The following OR2A14 variants were observed in gnomAD, a reference collection of about 807,000 sequenced individuals.
OR2A14 encodes the protein olfactory receptor 2A14.
OR2A14 carries 2 observed loss-of-function variants against 2.4 expected under a neutral mutation model. That is an observed-to-expected ratio of 0.85 (90% CI 0.35 to 2.67). OR2A14 has a LOEUF of 2.67. Among genes scored for constraint, OR2A14 ranks in the 30% most tolerant of loss-of-function variants. The pLI is 0.10. For missense variants in OR2A14, 390 were observed against 379.4 expected, an observed-to-expected ratio of 1.03 and a Z score of -0.23; for synonymous variants, 160 against 156.3, an observed-to-expected ratio of 1.02 and a Z score of -0.18.
rs1412363926 is a variant in OR2A14 at position 144,129,951 on chromosome 7, T to A, written c.839T>A (p.Phe280Tyr). Residue 280 changes from phenylalanine (F) to tyrosine (Y), a missense_variant, in exon 2 of 2, where the codon TTC becomes TAC. By Grantham distance (22) the Phe-to-Tyr change is conservative (BLOSUM62 3). Coordinates refer to ENST00000641068, the MANE Select transcript of OR2A14 (RefSeq NM_001001659.3). ...GTTCTTTCCCTGTTTTACAGCCTTT[T>A]CAATCCAATGCTGAACCCCCTGATA... ...QKVLSLFYSL[F>Y]NPMLNPLIYS... 2 of 1,614,140 alleles carry A rather than the reference T, an allele frequency of 1.2e-6. No homozygotes were observed. The highest frequency in any genetic ancestry group is 3.3e-5 in the Admixed American group (2 of 60,028).
chr7:144,129,610 C>T lies in OR2A14; in HGVS notation c.498C>T (p.Pro166=), dbSNP rs766638381. The T allele has an allele frequency of 1.2e-6, 2 of 1,603,344 alleles. No individual in the cohort carries two copies. Among genetic ancestry groups the T allele is most frequent in the Middle Eastern group, 1.7e-4 (1 of 6,050 alleles). The change falls in exon 2 of 2, where the codon CCC becomes CCT. Residue 166 remains proline (P), a synonymous_variant. Coordinates refer to ENST00000641068, the MANE Select transcript of OR2A14 (RefSeq NM_001001659.3). ...LVPLVLILSL[P]FCGPHEINHF... is the part of the protein sequence containing the mutation. The stretch of plus-strand genomic sequence containing the variant: ...CTTTAGTTCTCATCCTGAGCCTGCC[C>T]TTCTGCGGGCCTCATGAAATCAACC...
chr7:144,129,120 G>T lies in OR2A14; in HGVS notation c.8G>T (p.Gly3Val). The stretch of plus-strand genomic sequence containing the variant: ...CTAGATGTCCACAAGAGCATGGAAG[G>T]CAACAAGACATGGATCACAGACATC... ME[G>V]NKTWITDITL... Residue 3 changes from glycine (G) to valine (V), a missense_variant, in exon 2 of 2, where the codon GGC (glycine) becomes GTC (valine). Gly to Val is a moderately radical substitution (Grantham distance 109, BLOSUM62 -3). Coordinates refer to ENST00000641068, the MANE Select transcript of OR2A14 (RefSeq NM_001001659.3). 6.2e-7 allele frequency: 1 copy of T among 1,612,080 alleles called. No homozygotes were observed. Among genetic ancestry groups the T allele is most frequent in the Non-Finnish European group, 8.5e-7 (1 of 1,178,620 alleles).
chr7:144,124,501 C>A (rs1483097401), intron 1 of OR2A14, among the ~76,000 whole-genome samples: 1 of 149,586 alleles, frequency 6.7e-6, no homozygotes, highest in African/African-American at 2.5e-5. Context: ...CTCCCTAGGA[C>A]TAAGCTCAGT....
intron 1 of OR2A14, among the ~76,000 whole-genome samples, chr7:144,125,113 T>C (rs1244215728): frequency 6.6e-6 from 1 of 152,216 alleles, no homozygotes; most frequent in Admixed American, 6.5e-5. Context: ...CCTTTTGGTA[T>C]CTGTGGTCAA....
At position 144,129,338 on chromosome 7, in the gene OR2A14, T is replaced by C. The variant is rs149608635; in HGVS notation, c.226T>C (p.Tyr76His). The C allele has an allele frequency of 1.1e-3, 1,719 of 1,614,246 alleles. 44 individuals carry two copies. The Admixed American group carries it at 0.025, about 24-fold the overall frequency. The change falls in exon 2 of 2, where the codon TAT (tyrosine) becomes CAT (histidine). Residue 76 changes from tyrosine (Y) to histidine (H), a missense_variant. Transcript: ENST00000641068. ...TGTTGACATATCCTATGCTTCCAAC[T>C]ATGTCCCCAAGATGCTGACGAATCT... ...AIVDISYASN[Y>H]VPKMLTNLMN... is the part of the protein sequence containing the mutation.
At chr7:144,128,927 CTTA>C (rs1215519291) in intron 1 of OR2A14, 149 bp from the exon 2 acceptor site, 18 of 578,352 alleles carry the variant, frequency 3.1e-5, no homozygotes, top group Admixed American at 2.2e-4. Flanking sequence ...TGTATGTATT[CTTA>C]TTATTCCATT....
rs749178805 is a variant in OR2A14, at chr7:144,129,747, T to C, written c.635T>C (p.Leu212Pro). ...TTCATCCTGGTGGGGCCACTCTGCC[T>C]GGTGCTGGTCTCCTACTTGCGCATC... Reference protein sequence around the residue: ...CVFILVGPLCLVLVSYLRILA... With the variant: ...CVFILVGPLCPVLVSYLRILA... Residue 212 changes from leucine to proline, a missense_variant, in exon 2 of 2, where the codon CTG becomes CCG. By Grantham distance (98) the Leu-to-Pro change is moderately conservative (BLOSUM62 -3). Transcript: ENST00000641068. 5.0e-6 allele frequency: 8 copies of C among 1,613,930 alleles called. No homozygotes were observed. Among genetic ancestry groups the C allele is most frequent in the Non-Finnish European group, 6.8e-6 (8 of 1,180,036 alleles).
intron 1 of OR2A14, among the ~76,000 whole-genome samples, chr7:144,124,706 CCT>C (rs986154750): frequency 6.6e-6 from 1 of 152,058 alleles, no homozygotes; most frequent in Non-Finnish European, 1.5e-5. Flanking sequence ...AAAAATTAAT[CCT>C]CTCTCTATCA....
intron 1 of OR2A14, 81 bp downstream of exon 1, chr7:144,123,345 T>A (rs1218811290): frequency 6.6e-6 from 1 of 152,266 alleles, no homozygotes; most frequent in Non-Finnish European, 1.5e-5. Context: ...AATCACTGGC[T>A]CCAGATAGTA....
At chr7:144,124,006 C>T (rs1477192800) in intron 1 of OR2A14, among the ~76,000 whole-genome samples, 1 of 149,580 alleles carries the variant, frequency 6.7e-6, no homozygotes, top group Non-Finnish European at 1.5e-5. Context: ...TGCATTTAAT[C>T]CTCACAACTA....
intron 1 of OR2A14, among the ~76,000 whole-genome samples, chr7:144,128,738 C>T (rs1246880950): frequency 4.6e-5 from 7 of 152,104 alleles, no homozygotes; most frequent in African/African-American, 1.2e-4. Flanking sequence ...TCTCAAACTA[C>T]GTAAAAATCA....
rs755155314 is a variant in OR2A14, at chr7:144,128,016, T to G, written c.-34-1063T>G. On this transcript the variant is annotated intron_variant, in intron 1 of 1. Transcript: ENST00000641068. Reference sequence around the variant, plus strand: ...ATCCCCATCACATGCTCAGATTCCATCTGAACAGCAACAGGGCTGCTGGCA... The same window carrying G: ...ATCCCCATCACATGCTCAGATTCCAGCTGAACAGCAACAGGGCTGCTGGCA... Among the ~76,000 whole-genome samples the G allele has an allele frequency of 3.3e-5, 5 of 152,160 alleles. No individual in the cohort carries two copies. The East Asian group carries it at 9.7e-4, about 29-fold the overall frequency.
At chr7:144,126,306 G>A (rs1432162476) in intron 1 of OR2A14, among the ~76,000 whole-genome samples, 1 of 152,122 alleles carries the variant, frequency 6.6e-6, no homozygotes, top group Non-Finnish European at 1.5e-5. Flanking sequence ...GTCAATTTCA[G>A]ATTGTTAAAA....
chr7:144,129,742 C>T lies in OR2A14; in HGVS notation c.630C>T (p.Leu210=). The change falls in exon 2 of 2, where the codon CTC becomes CTT. Residue 210 remains leucine, a synonymous_variant. Transcript: ENST00000641068. ...AACVFILVGP[L]CLVLVSYLRI... ...GCGTGTTCATCCTGGTGGGGCCACT[C>T]TGCCTGGTGCTGGTCTCCTACTTGC... The T allele has an allele frequency of 6.2e-7, 1 of 1,614,032 alleles. No homozygotes were observed. The highest frequency in any genetic ancestry group is 8.5e-7 in the Non-Finnish European group (1 of 1,180,042).
rs866398148 is a variant in OR2A14 at position 144,125,078 on chromosome 7, G to A, written c.-35+1814G>A. On this transcript the variant is annotated intron_variant, in intron 1 of 1. Coordinates refer to ENST00000641068, the MANE Select transcript of OR2A14 (RefSeq NM_001001659.3). The stretch of plus-strand genomic sequence containing the variant: ...TTAAATTCCTATAATGTACCAGTGC[G>A]ATGGTATTTCTTCTTCACATCAGTC... 3.9e-5 allele frequency among the ~76,000 whole-genome samples: 6 copies of A among 152,102 alleles called. 1 individual carries two copies. Among genetic ancestry groups the A allele is most frequent in the Admixed American group, 2.6e-4 (4 of 15,266 alleles).
intron 1 of OR2A14, among the ~76,000 whole-genome samples, chr7:144,123,640 T>C (rs2051460991): frequency 6.6e-6 from 1 of 152,178 alleles, no homozygotes; most frequent in Non-Finnish European, 1.5e-5. Context: ...TGACTCTTTT[T>C]TACAAATAAT....
At position 144,129,590 on chromosome 7, in the gene OR2A14, G is replaced by T. The variant is rs1223124062; in HGVS notation, c.478G>T (p.Val160Phe). 3 of 1,613,672 alleles carry T rather than the reference G, an allele frequency of 1.9e-6. No homozygotes were observed. The highest frequency in any genetic ancestry group is 2.2e-5 in the South Asian group (2 of 91,020). The change falls in exon 2 of 2, where the codon GTT becomes TTT. Residue 160 changes from valine (V) to phenylalanine (F), a missense_variant. Physicochemically the swap from Val to Phe is conservative, Grantham distance 50 (BLOSUM62 -1). Coordinates refer to ENST00000641068, the MANE Select transcript of OR2A14 (RefSeq NM_001001659.3). The part of the protein sequence containing the change: ...FSFLLALVPL[V>F]LILSLPFCGP... ...CTTCCTCCTGGCTCTGGTCCCTTTA[G>T]TTCTCATCCTGAGCCTGCCCTTCTG...
rs199642567 is a variant in OR2A14 at position 144,129,768 on chromosome 7, G to T, written c.656G>T (p.Arg219Leu). 2.5e-6 allele frequency: 4 copies of T among 1,613,844 alleles called. No individual in the cohort carries two copies. Among genetic ancestry groups the T allele is most frequent in the Non-Finnish European group, 3.4e-6 (4 of 1,180,040 alleles). ...TGCCTGGTGCTGGTCTCCTACTTGCGCATCCTGGCCGCCATCTTGAGGATC... is the reference window on the plus strand; with the variant it reads ...TGCCTGGTGCTGGTCTCCTACTTGCTCATCCTGGCCGCCATCTTGAGGATC... ...PLCLVLVSYL[R>L]ILAAILRIQS... Residue 219 changes from arginine (R) to leucine (L), a missense_variant, in exon 2 of 2, where the codon CGC becomes CTC. Coordinates refer to ENST00000641068, the MANE Select transcript of OR2A14 (RefSeq NM_001001659.3).
rs1460243908 is a variant in OR2A14 at position 144,129,098 on chromosome 7, G to A, written c.-15G>A. ...CCACAGCTCTGACCTTCCTGTCCTA[G>A]ATGTCCACAAGAGCATGGAAGGCAA... On this transcript the variant is annotated 5_prime_UTR_variant, in exon 2 of 2. Transcript: ENST00000641068. The A allele has an allele frequency of 6.2e-7, 1 of 1,603,630 alleles. No homozygotes were observed. Among genetic ancestry groups the A allele is most frequent in the South Asian group, 1.1e-5 (1 of 89,698 alleles).
Sources: allele counts gnomAD v4.1 joint callset (sites outside exome capture counted in the v4.1 genomes callset), GRCh38; gene constraint gnomAD v4.1.1; transcripts MANE v1.5; gene names NCBI Gene and HGNC (gene_info 2026-07-23, HGNC 2026-07-21).